Variants in RETREG1 observed in about 807,000 individuals in gnomAD.
RETREG1 encodes family with sequence similarity 134 member B.
Under a neutral mutation model 54.8 loss-of-function variants are expected in RETREG1, and 44 were observed. The observed-to-expected ratio is 0.80, with a 90% CI of 0.63 to 1.03. RETREG1 has a LOEUF of 1.03. Among genes scored for constraint, RETREG1 ranks in the 50% least tolerant of loss-of-function variants. The probability of loss-of-function intolerance (pLI) is 0.00; values close to 1 mark genes in which losing one functional copy is unlikely to be tolerated. For missense variants in RETREG1, 554 were observed against 605.1 expected (o/e 0.92, Z 0.89); for synonymous variants, 217 against 238.5 (o/e 0.91, Z 0.83).
intron 3 of RETREG1, among the ~76,000 whole-genome samples, chr5:16,497,413 T>C (rs1739505912): frequency 6.6e-6 from 1 of 152,352 alleles, no homozygotes; most frequent in East Asian, 1.9e-4. Flanking sequence ...AGCTGCTATG[T>C]CAGATTGGAC....
At position 16,571,813 on chromosome 5, in the gene RETREG1, A is replaced by G. The variant is rs376203497; in HGVS notation, c.427+183T>C. 1.4e-3 allele frequency among the ~76,000 whole-genome samples: 214 copies of G among 152,300 alleles called. 2 individuals are homozygous for G. Among genetic ancestry groups the G allele is most frequent in the African/African-American group, 4.9e-3 (203 of 41,556 alleles). On this transcript the variant is annotated intron_variant, in intron 2 of 8. Transcript: ENST00000306320. ...AAAAACCAGCACACACAAACCTTTT[A>G]CCTACAAGCAGTAGCTACAAAGACA...
At chr5:16,487,327 C>A in intron 3 of RETREG1, among the ~76,000 whole-genome samples, 1 of 152,148 alleles carries the variant, frequency 6.6e-6, no homozygotes, top group African/African-American at 2.4e-5. Context: ...ATCTTTCTAT[C>A]CATCTCCCCT....
At chr5:16,562,161 C>G (rs1270816911) in intron 3 of RETREG1, among the ~76,000 whole-genome samples, 1 of 152,006 alleles carries the variant, frequency 6.6e-6, no homozygotes, top group Non-Finnish European at 1.5e-5. Context: ...AGTAAAAATA[C>G]AAAATTAGCC....
intron 6 of RETREG1, 58 bp from the exon 7 acceptor site, chr5:16,478,156 T>A: frequency 9.3e-7 from 1 of 1,070,002 alleles, no homozygotes; most frequent in Non-Finnish European, 1.5e-6. Flanking sequence ...ACATAGTGCA[T>A]TTATTTCATT....
intron 3 of RETREG1, among the ~76,000 whole-genome samples, chr5:16,495,422 C>T (rs1056495309): frequency 6.6e-5 from 10 of 152,224 alleles, no homozygotes; most frequent in Admixed American, 4.6e-4. Flanking sequence ...CCCCTCCCAT[C>T]ACAGGCCCAG....
At chr5:16,611,534 T>G (rs1447480718) in intron 1 of RETREG1, among the ~76,000 whole-genome samples, 1 of 152,216 alleles carries the variant, frequency 6.6e-6, no homozygotes, top group Non-Finnish European at 1.5e-5. Context: ...CTCCATTCTG[T>G]GCCTATCCAA....
chr5:16,506,129 C>G (rs1739944328), intron 3 of RETREG1, among the ~76,000 whole-genome samples: 1 of 152,214 alleles, frequency 6.6e-6, no homozygotes, highest in African/African-American at 2.4e-5. Flanking sequence ...GGCAGTCTGC[C>G]CTGGATGCCT....
chr5:16,583,882 T>C (rs1742558221), intron 1 of RETREG1, among the ~76,000 whole-genome samples: 1 of 152,230 alleles, frequency 6.6e-6, no homozygotes, highest in African/African-American at 2.4e-5. Context: ...TGAATCTGCA[T>C]TATTTGCTGT....
intron 1 of RETREG1, among the ~76,000 whole-genome samples, chr5:16,603,441 T>A (rs1743099584): frequency 6.6e-6 from 1 of 152,244 alleles, no homozygotes; most frequent in East Asian, 1.9e-4. Flanking sequence ...AAGACCTAGA[T>A]GGAGTCTAGG....
At chr5:16,590,770 T>A (rs967238330) in intron 1 of RETREG1, among the ~76,000 whole-genome samples, 1 of 151,350 alleles carries the variant, frequency 6.6e-6, no homozygotes, top group African/African-American at 2.4e-5. Flanking sequence ...AAACCCCTAC[T>A]CCCCGGTGGG....
intron 3 of RETREG1, among the ~76,000 whole-genome samples, chr5:16,546,230 T>C (rs1320803175): frequency 1.3e-5 from 2 of 152,090 alleles, no homozygotes; most frequent in Non-Finnish European, 2.9e-5. Context: ...TACACTGACA[T>C]AAACACAGCT....
chr5:16,508,423 G>A (rs1050675859), intron 3 of RETREG1, among the ~76,000 whole-genome samples: 6 of 152,128 alleles, frequency 3.9e-5, no homozygotes, highest in Admixed American at 2.6e-4. Flanking sequence ...GTGAGTTCGT[G>A]CCAAAGAAAA....
chr5:16,547,407 A>G (rs1741418380), intron 3 of RETREG1, among the ~76,000 whole-genome samples: 1 of 152,206 alleles, frequency 6.6e-6, no homozygotes, highest in Admixed American at 6.5e-5. Context: ...GTTTCTTCCA[A>G]ATAAAAATAA....
intron 3 of RETREG1, among the ~76,000 whole-genome samples, chr5:16,486,438 A>G (rs1739023131): frequency 6.6e-6 from 1 of 152,236 alleles, no homozygotes; most frequent in Non-Finnish European, 1.5e-5. Flanking sequence ...CAGTGAGTTT[A>G]CCATTAATTT....
chr5:16,483,581 G>GA (rs1738899781), intron 3 of RETREG1, 109 bp from the exon 4 acceptor site: 1 of 1,164,526 alleles, frequency 8.6e-7, no homozygotes, highest in East Asian at 2.5e-5. Context: ...ACACCCTCTG[G>GA]AAAAGCCCTG....
chr5:16,531,627 G>A (rs1202166697), intron 3 of RETREG1, among the ~76,000 whole-genome samples: 2 of 152,148 alleles, frequency 1.3e-5, no homozygotes, highest in African/African-American at 4.8e-5. Context: ...AGGCCTCCCA[G>A]GGAAGGGGTG....
At chr5:16,614,713 A>G (rs773535493) in intron 1 of RETREG1, among the ~76,000 whole-genome samples, 13 of 152,254 alleles carry the variant, frequency 8.5e-5, no homozygotes, top group African/African-American at 1.2e-4. Context: ...ATGCATGTAC[A>G]GGGTCATTAG....
chr5:16,578,539 G>A (rs549156346), intron 1 of RETREG1, among the ~76,000 whole-genome samples: 4 of 152,190 alleles, frequency 2.6e-5, no homozygotes, highest in Non-Finnish European at 5.9e-5. Context: ...ACACTGGCAC[G>A]CTGTGGCATC....
chr5:16,540,376 T>C (rs925572718), intron 3 of RETREG1, among the ~76,000 whole-genome samples: 12 of 152,230 alleles, frequency 7.9e-5, no homozygotes, highest in Admixed American at 3.3e-4. Flanking sequence ...TGGGCTAATG[T>C]CACACAGGAA....
Sources: allele counts gnomAD v4.1 joint callset (sites outside exome capture counted in the v4.1 genomes callset), GRCh38; gene constraint gnomAD v4.1.1; transcripts MANE v1.5; gene names NCBI Gene and HGNC (gene_info 2026-07-23, HGNC 2026-07-21).